FSTL3: variants seen among roughly 807,000 people sequenced by gnomAD.
FSTL3 encodes follistatin-related protein 3.
In FSTL3, 21 loss-of-function variants were observed where a neutral mutation model predicts 28.1. The ratio of observed to expected loss-of-function variants is 0.75; its 90% CI spans 0.53 to 1.08. FSTL3 has a LOEUF of 1.08. Ranked by LOEUF, FSTL3 falls within the 50% of genes least tolerant of loss-of-function variation. The probability of loss-of-function intolerance (pLI) is 0.00; values close to 1 mark genes in which losing one functional copy is unlikely to be tolerated. For synonymous variants in FSTL3, 199 were observed against 164.2 expected (o/e 1.21, Z -1.62); for missense variants, 400 against 380.9 (o/e 1.05, Z -0.42).
rs1313637431 is a variant in FSTL3 at position 682,747 on chromosome 19, G to A, written c.*1039G>A. On this transcript the variant is annotated 3_prime_UTR_variant, in exon 5 of 5. Coordinates refer to ENST00000166139, the MANE Select transcript of FSTL3 (RefSeq NM_005860.3). ...CTCAGACGTGGAGCAGCCAGCGGCA[G>A]CTCAGAGCAGGGCACTGTGTCCGGC... 8 of 233,192 alleles carry A rather than the reference G, an allele frequency of 3.4e-5. No individual in the cohort carries two copies. The highest frequency in any genetic ancestry group is 2.5e-5 in the Non-Finnish European group (3 of 118,074). The allele number at this position is 233,192 out of a possible 1,614,324, so 14.4% of individuals were successfully genotyped here.
At chr19:677,215 GCCCCA>G (rs956477381) in intron 1 of FSTL3, among the ~76,000 whole-genome samples, 15 of 152,226 alleles carry the variant, frequency 9.9e-5, no homozygotes, top group African/African-American at 3.6e-4. Context: ...CATCCCTGCA[GCCCCA>G]CCCCACCCCA....
chr19:680,002 C>T (rs1397336380), intron 2 of FSTL3: 11 of 133,300 alleles, frequency 8.3e-5, no homozygotes, highest in Non-Finnish European at 1.4e-4. Flanking sequence ...CGGGCAGAGA[C>T]CCCCCCCCGC....
In FSTL3 at chr19:681,680, C is replaced by G. The variant is rs1180602668; in HGVS notation, c.764C>G (p.Ser255Cys). 6.4e-7 allele frequency: 1 copy of G among 1,569,036 alleles called. No individual in the cohort carries two copies. Among genetic ancestry groups the G allele is most frequent in the Admixed American group, 1.9e-5 (1 of 53,338 alleles). ...CCTGAGGAGCCGCCAGGTGGTGAGTCTGCAGAAGAGGAAGAGAACTTCGTG... is the reference window on the plus strand; with the variant it reads ...CCTGAGGAGCCGCCAGGTGGTGAGTGTGCAGAAGAGGAAGAGAACTTCGTG... Reference protein sequence around the residue: ...GTPEEPPGGESAEEEENFV With the variant: ...GTPEEPPGGECAEEEENFV Residue 255 changes from serine to cysteine, a missense_variant, in exon 5 of 5, where the codon TCT becomes TGT. By Grantham distance (112) the Ser-to-Cys change is moderately radical. Coordinates refer to ENST00000166139, the MANE Select transcript of FSTL3 (RefSeq NM_005860.3).
chr19:680,283 A>G lies in FSTL3; in HGVS notation c.299A>G (p.Asp100Gly). 1 of 1,327,088 alleles carries G rather than the reference A, an allele frequency of 7.5e-7. No individual in the cohort carries two copies. 82.2% of individuals were successfully genotyped at this position (1,327,088 alleles called of 1,614,324 possible). ...VHCLPCKDSC[D>G]GVECGPGKAC... ...TGTCCTCTGTCCGCAGATTCGTGCG[A>G]CGGCGTGGAGTGCGGCCCGGGCAAG... The change falls in exon 3 of 5, where the codon GAC (aspartate) becomes GGC (glycine). Residue 100 changes from aspartate to glycine, a missense_variant. Coordinates refer to ENST00000166139, the MANE Select transcript of FSTL3 (RefSeq NM_005860.3).
At position 676,436 on chromosome 19, in the gene FSTL3, G is replaced by T; in HGVS notation, c.13G>T (p.Ala5Ser). The part of the protein sequence containing the change: MRPG[A>S]PGPLWPLPWG... Reference sequence around the variant, plus strand: ...CTCTGCGTTCGCCATGCGTCCCGGGGCGCCAGGGCCACTCTGGCCTCTGCC... The same window carrying T: ...CTCTGCGTTCGCCATGCGTCCCGGGTCGCCAGGGCCACTCTGGCCTCTGCC... Residue 5 changes from alanine to serine, a missense_variant, in exon 1 of 5, where the codon GCG (alanine) becomes TCG (serine). By Grantham distance (99) the Ala-to-Ser change is moderately conservative (BLOSUM62 1). Transcript: ENST00000166139. The T allele has an allele frequency of 8.3e-7, 1 of 1,209,518 alleles. No homozygotes were observed. Among genetic ancestry groups the T allele is most frequent in the East Asian group, 3.4e-5 (1 of 29,032 alleles). The allele number at this position is 1,209,518 out of a possible 1,614,324, so 74.9% of individuals were successfully genotyped here. A position where few individuals can be genotyped will look rare whatever the true frequency, so the allele number is the denominator to read the frequency against.
At chr19:678,499 GT>G (rs746126061) in intron 2 of FSTL3, among the ~76,000 whole-genome samples, 87 of 91,228 alleles carry the variant, frequency 9.5e-4, no homozygotes, top group Admixed American at 1.5e-3. Context: ...GAGGATGATG[GT>G]TTTTTTTTTT....
Position 676,509 on chromosome 19 carries a change from C to A in FSTL3, c.86C>A (p.Ser29Ter). 3 of 1,065,750 alleles carry A rather than the reference C, an allele frequency of 2.8e-6. No individual in the cohort carries two copies. The highest frequency in any genetic ancestry group is 2.3e-6 in the Non-Finnish European group (2 of 873,364). 66.0% of individuals were successfully genotyped at this position (1,065,750 alleles called of 1,614,324 possible). The change falls in exon 1 of 5, where the codon TCG becomes TAG. Residue 29 changes from serine (S) to a stop codon, truncating the protein, a stop_gained. Transcript: ENST00000166139. LOFTEE classifies it high-confidence loss of function. ...GTGGGCTTCGTGAGCTCCATGGGCT[C>A]GGGGAACCCCGCGCCCGGTGAGTGG... Reference protein sequence around the residue: ...WAVGFVSSMGSGNPAPGGVCW... With the variant: ...WAVGFVSSMG
chr19:681,714 C>G lies in FSTL3; in HGVS notation c.*6C>G, dbSNP rs1391071188. The G allele has an allele frequency of 6.4e-7, 1 of 1,553,094 alleles. No homozygotes were observed. Among genetic ancestry groups the G allele is most frequent in the South Asian group, 1.2e-5 (1 of 84,528 alleles). On this transcript the variant is annotated 3_prime_UTR_variant, in exon 5 of 5. Coordinates refer to ENST00000166139, the MANE Select transcript of FSTL3 (RefSeq NM_005860.3). ...AGGAAGAGAACTTCGTGTGAGCCTG[C>G]AGGACAGGCCTGGGCCTGGTGCCCG...
At chr19:680,253 G>A (rs2031299292) in intron 2 of FSTL3, 21 bp from the exon 3 acceptor site, 2 of 1,329,222 alleles carry the variant, frequency 1.5e-6, no homozygotes, top group African/African-American at 1.5e-5. Flanking sequence ...CCGGCCCCAC[G>A]CGCGTGTCCT....
chr19:677,658 C>G (rs893367579), intron 1 of FSTL3, 134 bp from the exon 2 acceptor site: 1 of 871,256 alleles, frequency 1.1e-6, no homozygotes, highest in African/African-American at 1.7e-5. Context: ...ATGTGGTTTT[C>G]TGCCCCTTCT....
At chr19:676,836 A>T (rs1389991751) in intron 1 of FSTL3, among the ~76,000 whole-genome samples, 1 of 152,172 alleles carries the variant, frequency 6.6e-6, no homozygotes, top group Non-Finnish European at 1.5e-5. Context: ...ACTGAGGCTC[A>T]GGGTCACACA....
At chr19:676,895 T>A (rs893157753) in intron 1 of FSTL3, among the ~76,000 whole-genome samples, 10 of 127,340 alleles carry the variant, frequency 7.9e-5, no homozygotes, top group Middle Eastern at 4.5e-3. Context: ...TCCGGGTCGG[T>A]CCTGGTGCCG....
chr19:680,392 C>T lies in FSTL3; in HGVS notation c.408C>T (p.Gly136=), dbSNP rs2031302691. ...TCCCGGCGCGGCTGCAGGTCTGCGGCTCAGACGGCGCCACCTACCGCGACG... is the reference window on the plus strand; with the variant it reads ...TCCCGGCGCGGCTGCAGGTCTGCGGTTCAGACGGCGCCACCTACCGCGACG... The part of the protein sequence containing the change: ...SGLPARLQVC[G]SDGATYRDEC... Residue 136 remains glycine, a synonymous_variant, in exon 3 of 5, where the codon GGC becomes GGT. Transcript: ENST00000166139. 2 of 1,278,510 alleles carry T rather than the reference C, an allele frequency of 1.6e-6. No homozygotes were observed. Among genetic ancestry groups the T allele is most frequent in the Admixed American group, 4.2e-5 (1 of 23,918 alleles). 79.2% of individuals were successfully genotyped at this position (1,278,510 alleles called of 1,614,324 possible).
chr19:678,890 G>T (rs2031268064), intron 2 of FSTL3, among the ~76,000 whole-genome samples: 1 of 152,212 alleles, frequency 6.6e-6, no homozygotes, highest in Non-Finnish European at 1.5e-5. Context: ...GATGGGGCCG[G>T]TATGGGAGAG....
Position 683,279 on chromosome 19 carries a change from C to G in FSTL3, c.*1571C>G, listed in dbSNP as rs1351834761. The G allele has an allele frequency of 4.3e-6, 1 of 231,344 alleles. No individual in the cohort carries two copies. Among genetic ancestry groups the G allele is most frequent in the African/African-American group, 2.2e-5 (1 of 45,176 alleles). The allele number at this position is 231,344 out of a possible 1,614,324, so 14.3% of individuals were successfully genotyped here. On this transcript the variant is annotated 3_prime_UTR_variant, in exon 5 of 5. Coordinates refer to ENST00000166139, the MANE Select transcript of FSTL3 (RefSeq NM_005860.3). ...CTCCAGCCCCCAGGCAGTGCCTTAC[C>G]TGTGGTGCCCAGAAAAGTGCCCCTA...
In FSTL3 at chr19:677,847, G is replaced by A. The variant is rs1352586102; in HGVS notation, c.159G>A (p.Gln53=). 5 of 1,612,774 alleles carry A rather than the reference G, an allele frequency of 3.1e-6. No individual in the cohort carries two copies. The Admixed American group carries it at 8.3e-5, about 27-fold the overall frequency. The change falls in exon 2 of 5, where the codon CAG becomes CAA. Residue 53 remains glutamine (Q), a synonymous_variant. Transcript: ENST00000166139. ...GQEATCSLVL[Q]TDVTRAECCA... Reference sequence around the variant, plus strand: ...AGGCCACCTGCAGCCTGGTGCTCCAGACTGATGTCACCCGGGCCGAGTGCT... The same window carrying A: ...AGGCCACCTGCAGCCTGGTGCTCCAAACTGATGTCACCCGGGCCGAGTGCT...
At chr19:680,575 GGGGGCGGGGCCT>G in intron 3 of FSTL3, 86 bp downstream of exon 3, 1 of 840,632 alleles carries the variant, frequency 1.2e-6, no homozygotes, top group East Asian at 3.5e-5. Context: ...CGCAGTAGGC[GGGGGCGGGGCCT>G]GGGGCGGGAC....
intron 1 of FSTL3, among the ~76,000 whole-genome samples, chr19:677,447 C>A (rs897704063): frequency 9.2e-5 from 14 of 152,008 alleles, no homozygotes; most frequent in African/African-American, 3.4e-4. Context: ...GGCCTGCTGA[C>A]CCTGACATGC....
At chr19:680,551 A>G (rs1328674638) in intron 3 of FSTL3, 62 bp downstream of exon 3, 1 of 966,586 alleles carries the variant, frequency 1.0e-6, no homozygotes, top group Non-Finnish European at 1.3e-6. Context: ...CGCGTCATGT[A>G]TCGAGGCTGC....
Sources: gnomAD v4.1 joint callset for allele counts (sites outside exome capture counted in the v4.1 genomes callset) on GRCh38, gnomAD v4.1.1 for gene constraint, MANE v1.5 for transcripts, NCBI Gene and HGNC (gene_info 2026-07-23, HGNC 2026-07-21) for gene names.